Variants in TET1 observed in about 807,000 individuals in gnomAD.
TET1 encodes methylcytosine dioxygenase TET1.
In TET1, 13 loss-of-function variants were observed where a neutral mutation model predicts 148.7. The observed-to-expected ratio is 0.09, with a 90% CI of 0.06 to 0.14. The LOEUF is 0.14. TET1 is among the 10% of genes least tolerant of loss of function. The probability of loss-of-function intolerance (pLI) is 1.00; values close to 1 mark genes in which losing one functional copy is unlikely to be tolerated. For missense variants in TET1, 2,182 were observed against 2,553.8 expected, an observed-to-expected ratio of 0.85 and a Z score of 3.14; for synonymous variants, 907 against 937.2, an observed-to-expected ratio of 0.97 and a Z score of 0.59.
chr10:68,616,583 G>A (rs970241978), intron 3 of TET1, among the ~76,000 whole-genome samples: 6 of 152,096 alleles, frequency 3.9e-5, no homozygotes, highest in Non-Finnish European at 7.4e-5. Context: ...TCACCCTGGC[G>A]GGAATGCAGT....
At chr10:68,614,436 T>C (rs187419616) in intron 3 of TET1, among the ~76,000 whole-genome samples, 13 of 152,206 alleles carry the variant, frequency 8.5e-5, no homozygotes, top group Non-Finnish European at 1.5e-4. Context: ...TCCTGACTTT[T>C]CAAAAAACTC....
chr10:68,576,986 G>T (rs2053739018), intron 2 of TET1, among the ~76,000 whole-genome samples: 1 of 151,826 alleles, frequency 6.6e-6, no homozygotes, highest in Non-Finnish European at 1.5e-5. Flanking sequence ...TCGGCTCACT[G>T]CAAGCTCTGC....
At chr10:68,654,760 C>G (rs1483277865) in intron 6 of TET1, among the ~76,000 whole-genome samples, 1 of 152,206 alleles carries the variant, frequency 6.6e-6, no homozygotes, top group African/African-American at 2.4e-5. Flanking sequence ...GTTTGAATAA[C>G]AAACAGGTAT....
At chr10:68,678,898 G>A (rs913535957) in intron 8 of TET1, among the ~76,000 whole-genome samples, 4 of 151,870 alleles carry the variant, frequency 2.6e-5, no homozygotes, top group African/African-American at 7.3e-5. Flanking sequence ...TAATAGGGCC[G>A]GGCACAGTGG....
intron 1 of TET1, among the ~76,000 whole-genome samples, chr10:68,570,854 C>T (rs1316396244): frequency 6.6e-6 from 1 of 151,444 alleles, no homozygotes; most frequent in Non-Finnish European, 1.5e-5. Flanking sequence ...AGGATGGTCT[C>T]GATCTCCTGA....
chr10:68,682,833 T>C lies in TET1; in HGVS notation c.4915-3T>C. The C allele has an allele frequency of 6.2e-7, 1 of 1,612,790 alleles. No individual in the cohort carries two copies. Among genetic ancestry groups the C allele is most frequent in the Non-Finnish European group, 8.5e-7 (1 of 1,179,698 alleles). Reference sequence around the variant, plus strand: ...AGATTGTGCTCCATGCTTTCTTTTCTAGGTGGAATATGAAAATGTTGCCCG... The same window carrying C: ...AGATTGTGCTCCATGCTTTCTTTTCCAGGTGGAATATGAAAATGTTGCCCG... On this transcript the variant is annotated splice_polypyrimidine_tract_variant and splice_region_variant and intron_variant, in intron 9 of 11. Transcript: ENST00000373644.
At chr10:68,611,654 CTTTTCTTTTCTTTTCTTTTCTTTCT>C (rs1386653979) in intron 3 of TET1, among the ~76,000 whole-genome samples, 3 of 138,792 alleles carry the variant, frequency 2.2e-5, no homozygotes, top group South Asian at 2.3e-4. Context: ...CCCTTTCTTT[CTTTTCTTTTCTTTTCTTTTCTTTCT>C]TTTCTTTTCT....
At chr10:68,595,961 TAC>T (rs781144879) in intron 2 of TET1, among the ~76,000 whole-genome samples, 1,253 of 36,796 alleles carry the variant, frequency 0.034, 50 homozygotes, top group East Asian at 0.085. Flanking sequence ...TATATATATA[TAC>T]ACACACACAC....
intron 6 of TET1, among the ~76,000 whole-genome samples, chr10:68,666,469 G>T (rs1415559476): frequency 6.6e-6 from 1 of 152,026 alleles, no homozygotes; most frequent in East Asian, 1.9e-4. Flanking sequence ...GAGAGTTCTT[G>T]GTTATTTCCA....
chr10:68,658,501 A>T (rs1187031969), intron 6 of TET1, among the ~76,000 whole-genome samples: 1 of 152,172 alleles, frequency 6.6e-6, no homozygotes, highest in Non-Finnish European at 1.5e-5. Context: ...ACACACAAAA[A>T]GTCTAACAGC....
At chr10:68,565,475 A>ATATATATAT (rs1554927790) in intron 1 of TET1, among the ~76,000 whole-genome samples, 2 of 129,232 alleles carry the variant, frequency 1.5e-5, no homozygotes, top group African/African-American at 5.6e-5. Context: ...AAAAAAAAAA[A>ATATATATAT]ATATATATAT....
chr10:68,690,701 C>G (rs941018166), intron 11 of TET1, 107 bp from the exon 12 acceptor site: 3 of 1,086,668 alleles, frequency 2.8e-6, no homozygotes, highest in Non-Finnish European at 3.9e-6. Context: ...ACAACATCAG[C>G]GTTTTCTTAT....
chr10:68,657,558 AG>A (rs2055043944), intron 6 of TET1, among the ~76,000 whole-genome samples: 1 of 152,176 alleles, frequency 6.6e-6, no homozygotes, highest in Admixed American at 6.6e-5. Flanking sequence ...GCTTGAGCAT[AG>A]GAAGAGGAGG....
intron 3 of TET1, among the ~76,000 whole-genome samples, chr10:68,633,650 G>A (rs1035175649): frequency 5.9e-5 from 9 of 152,052 alleles, no homozygotes; most frequent in Non-Finnish European, 1.0e-4. Flanking sequence ...GAAACCCCAC[G>A]CTGGTCCTGA....
chr10:68,593,641 C>T (rs1394439326), intron 2 of TET1, among the ~76,000 whole-genome samples: 6 of 151,408 alleles, frequency 4.0e-5, no homozygotes, highest in East Asian at 3.9e-4. Context: ...GACAGAGTTT[C>T]GCTCTTGTTG....
At position 68,622,223 on chromosome 10, in the gene TET1, CTCCTTCCTCCCT is replaced by C. The variant is rs1412303042; in HGVS notation, c.1968+21193_1968+21204del. Among the ~76,000 whole-genome samples, 122 of 66,556 alleles carry C rather than the reference CTCCTTCCTCCCT, an allele frequency of 1.8e-3. 1 individual carries two copies. The highest frequency in any genetic ancestry group is 3.9e-3 in the East Asian group (6 of 1,536). 43.7% of individuals were successfully genotyped at this position (66,556 alleles called of 152,430 possible). Reference sequence around the variant, plus strand: ...CTTCCTTCCTTCCTTCCTTCCTTCCCTCCTTCCTCCCTTCCCTCCCTCCCTCCCTCCTTCCCT... The same window carrying C: ...CTTCCTTCCTTCCTTCCTTCCTTCCCTCCCTCCCTCCCTCCCTCCTTCCCT... On this transcript the variant is annotated intron_variant, in intron 3 of 11. Coordinates refer to ENST00000373644, the MANE Select transcript of TET1 (RefSeq NM_030625.3).
chr10:68,675,066 C>T (rs541713065), intron 8 of TET1: 18 of 554,684 alleles, frequency 3.2e-5, no homozygotes, highest in Middle Eastern at 5.3e-4. Context: ...TAAAGTAGAA[C>T]GAGCTGATGG....
chr10:68,600,975 T>G lies in TET1; in HGVS notation c.1915-6T>G. 1 of 1,599,866 alleles carries G rather than the reference T, an allele frequency of 6.3e-7. No individual in the cohort carries two copies. The highest frequency in any genetic ancestry group is 8.5e-7 in the Non-Finnish European group (1 of 1,176,988). ...GAGGCTCATTTTGCAATTTGATTTT[T>G]TTTAGGTTATAAAGGAAAACAAGAG... On this transcript the variant is annotated splice_polypyrimidine_tract_variant and splice_region_variant and intron_variant, in intron 2 of 11. Transcript: ENST00000373644.
In TET1 at chr10:68,630,315, T is replaced by C. The variant is rs2054550909; in HGVS notation, c.1969-14383T>C. ...ACTTTTAGACATGGTTGAGTTTTGT[T>C]GTTGTTGTTGTTTTGACACGGAGTG... On this transcript the variant is annotated intron_variant, in intron 3 of 11. Transcript: ENST00000373644. 3.3e-5 allele frequency among the ~76,000 whole-genome samples: 5 copies of C among 152,260 alleles called. No individual in the cohort carries two copies. The South Asian group carries it at 1.0e-3, about 32-fold the overall frequency.
Sources: allele counts gnomAD v4.1 joint callset (sites outside exome capture counted in the v4.1 genomes callset), GRCh38; gene constraint gnomAD v4.1.1; transcripts MANE v1.5; gene names NCBI Gene and HGNC (gene_info 2026-07-23, HGNC 2026-07-21).